The following FOCAD variants were observed in gnomAD, a reference collection of about 807,000 sequenced individuals.
FOCAD encodes the protein KIAA1797.
Under a neutral mutation model 225.6 loss-of-function variants are expected in FOCAD, and 198 were observed. The ratio of observed to expected loss-of-function variants is 0.88; its 90% CI spans 0.78 to 0.99. FOCAD has a LOEUF of 0.99. FOCAD is among the 50% of genes least tolerant of loss of function. The pLI, the probability that FOCAD is intolerant of heterozygous loss-of-function variation, is 0.00. For missense variants in FOCAD, 2,713 were observed against 2,123.6 expected (o/e 1.28, Z -5.46); for synonymous variants, 897 against 755.0 (o/e 1.19, Z -3.08).
At chr9:20,940,340 G>A (rs941296218) in intron 28 of FOCAD, among the ~76,000 whole-genome samples, 1 of 148,792 alleles carries the variant, frequency 6.7e-6, no homozygotes, top group African/African-American at 2.5e-5. Flanking sequence ...CTGGAGTGCA[G>A]TGATACCACA....
At chr9:20,815,014 CCTT>C (rs1313374744) in intron 11 of FOCAD, among the ~76,000 whole-genome samples, 4 of 151,502 alleles carry the variant, frequency 2.6e-5, no homozygotes, top group Non-Finnish European at 5.9e-5. Flanking sequence ...TGTCTGGAGT[CCTT>C]CTGTTTCACC....
intron 35 of FOCAD, 50 bp downstream of exon 35, chr9:20,953,115 T>C (rs747542046): frequency 4.1e-6 from 6 of 1,469,394 alleles, no homozygotes; most frequent in Non-Finnish European, 5.7e-6. Context: ...CATGTTGTTA[T>C]AAGTAAATTT....
At chr9:20,772,353 C>G (rs1404097708) in intron 8 of FOCAD, among the ~76,000 whole-genome samples, 2 of 152,084 alleles carry the variant, frequency 1.3e-5, no homozygotes, top group Non-Finnish European at 2.9e-5. Flanking sequence ...CATTTGTAGA[C>G]ATTAACTTTG....
chr9:20,835,728 G>A (rs1159612562), intron 15 of FOCAD, among the ~76,000 whole-genome samples: 1 of 152,092 alleles, frequency 6.6e-6, no homozygotes, highest in East Asian at 1.9e-4. Flanking sequence ...AAAGTCTTGA[G>A]ATGGGAATGT....
intron 24 of FOCAD, among the ~76,000 whole-genome samples, chr9:20,917,391 C>T: frequency 6.6e-6 from 1 of 152,086 alleles, no homozygotes; most frequent in Admixed American, 6.6e-5. Context: ...TGCCAAGGCC[C>T]ATTTAAAAAG....
Position 20,815,123 on chromosome 9 carries a change from G to GTGTTTTTTTTTTTTTTTTTTTTTT in FOCAD, c.1456-4672_1456-4671insGTTTTTTTTTTTTTTTTTTTTTTT, listed in dbSNP as rs1564024181. Among the ~76,000 whole-genome samples the GTGTTTTTTTTTTTTTTTTTTTTTT allele has an allele frequency of 8.5e-4, 73 of 85,384 alleles. 17 individuals are homozygous for GTGTTTTTTTTTTTTTTTTTTTTTT. Among genetic ancestry groups the GTGTTTTTTTTTTTTTTTTTTTTTT allele is most frequent in the Non-Finnish European group, 1.4e-3 (61 of 44,550 alleles). 56.0% of individuals were successfully genotyped at this position (85,384 alleles called of 152,430 possible). On this transcript the variant is annotated intron_variant, in intron 11 of 43. Coordinates refer to ENST00000338382, the MANE Select transcript of FOCAD (RefSeq NM_001375567.1). ...TCTGGAAATATCATTACTTCTCTTT[G>GTGTTTTTTTTTTTTTTTTTTTTTT]TTTTTTTTTTTTTGTTTTTTTTTTT...
chr9:20,786,464 T>G (rs931371756), intron 10 of FOCAD, among the ~76,000 whole-genome samples: 2 of 152,164 alleles, frequency 1.3e-5, no homozygotes, highest in African/African-American at 4.8e-5. Flanking sequence ...CTAGAAAGGC[T>G]CTCTTGAGGG....
At chr9:20,964,737 T>C (rs1839101856) in intron 35 of FOCAD, among the ~76,000 whole-genome samples, 1 of 152,200 alleles carries the variant, frequency 6.6e-6, no homozygotes, top group Admixed American at 6.5e-5. Context: ...GCTTTCACCA[T>C]GTTGGCCAGG....
At chr9:20,656,114 T>C (rs1821471635), upstream of FOCAD, among the ~76,000 whole-genome samples, 1 of 150,312 alleles carries the variant, frequency 6.7e-6, no homozygotes, top group Non-Finnish European at 1.5e-5. Context: ...TCCTGAGTTC[T>C]AGTTTGATTG....
At chr9:20,692,011 A>G (rs148906206) in intron 1 of FOCAD, among the ~76,000 whole-genome samples, 26 of 152,192 alleles carry the variant, frequency 1.7e-4, no homozygotes, top group African/African-American at 6.3e-4. Context: ...TGGCCTCCCA[A>G]AGTGCTGGGA....
chr9:20,821,412 T>G (rs866615828), intron 14 of FOCAD, among the ~76,000 whole-genome samples: 2 of 152,148 alleles, frequency 1.3e-5, no homozygotes, highest in African/African-American at 4.8e-5. Flanking sequence ...TGTCATAAAC[T>G]ATTCTTTCTT....
chr9:20,895,049 T>A (rs1047689560), intron 21 of FOCAD, among the ~76,000 whole-genome samples: 4 of 152,024 alleles, frequency 2.6e-5, no homozygotes, highest in African/African-American at 7.2e-5. Flanking sequence ...CATCAAGATA[T>A]CTGGTTGTTT....
At chr9:20,913,597 T>A (rs913150403) in intron 23 of FOCAD, among the ~76,000 whole-genome samples, 2 of 152,204 alleles carry the variant, frequency 1.3e-5, no homozygotes, top group Non-Finnish European at 2.9e-5. Flanking sequence ...TGCTTTAATC[T>A]AAAAATCTGT....
At chr9:20,929,035 A>G (rs577629315) in intron 26 of FOCAD, 7 of 191,748 alleles carry the variant, frequency 3.7e-5, no homozygotes, top group East Asian at 1.4e-4. Flanking sequence ...TTTTTAATAT[A>G]TATACATGTG....
intron 19 of FOCAD, among the ~76,000 whole-genome samples, chr9:20,876,623 T>G (rs1223213335): frequency 6.6e-6 from 1 of 152,120 alleles, no homozygotes; most frequent in Non-Finnish European, 1.5e-5. Context: ...GTAATTTGAG[T>G]GAGGTGGGTG....
At chr9:20,817,401 A>G (rs887245212) in intron 11 of FOCAD, among the ~76,000 whole-genome samples, 1 of 152,032 alleles carries the variant, frequency 6.6e-6, no homozygotes, top group African/African-American at 2.4e-5. Flanking sequence ...TACTTGCCCT[A>G]TCCTAGACAA....
chr9:20,797,441 A>T lies in FOCAD; in HGVS notation c.1455+7833A>T, dbSNP rs549125260. On this transcript the variant is annotated intron_variant, in intron 11 of 43. Transcript: ENST00000338382. ...CATTTTCACGATATTGATTCTTCCT[A>T]CCCATGAGCATGGAATGTTTTTCCA... is the stretch of plus-strand genomic sequence containing the variant. 2.0e-5 allele frequency among the ~76,000 whole-genome samples: 3 copies of T among 152,138 alleles called. No individual in the cohort carries two copies. The East Asian group carries it at 5.8e-4, about 29-fold the overall frequency.
chr9:20,804,394 A>G (rs577240517), intron 11 of FOCAD, among the ~76,000 whole-genome samples: 21 of 152,144 alleles, frequency 1.4e-4, no homozygotes, highest in East Asian at 1.4e-3. Flanking sequence ...ATGAGTTCCT[A>G]GTTACTTTTT....
At chr9:20,843,296 G>A (rs1826732825) in intron 15 of FOCAD, among the ~76,000 whole-genome samples, 1 of 152,004 alleles carries the variant, frequency 6.6e-6, no homozygotes, top group Non-Finnish European at 1.5e-5. Flanking sequence ...CAGGTTTGAT[G>A]TTGATGAAAT....
Sources: gnomAD v4.1 joint callset for allele counts (sites outside exome capture counted in the v4.1 genomes callset) on GRCh38, gnomAD v4.1.1 for gene constraint, MANE v1.5 for transcripts, NCBI Gene and HGNC (gene_info 2026-07-23, HGNC 2026-07-21) for gene names.